The following GRM8 variants were observed in gnomAD, a reference collection of about 807,000 sequenced individuals.
GRM8 encodes the protein metabotropic glutamate receptor 8.
Under a neutral mutation model 87.2 loss-of-function variants are expected in GRM8, and 47 were observed. That is an observed-to-expected ratio of 0.54 (90% CI 0.43 to 0.69). GRM8 has a LOEUF of 0.69. GRM8 is among the 30% of genes least tolerant of loss of function. The pLI, the probability that GRM8 is intolerant of heterozygous loss-of-function variation, is 0.00. For missense variants in GRM8, 1,019 were observed against 1,139.2 expected (o/e 0.89, Z 1.52); for synonymous variants, 396 against 404.5 (o/e 0.98, Z 0.25).
chr7:126,461,134 G>A (rs1803851220), intron 9 of GRM8, among the ~76,000 whole-genome samples: 1 of 151,284 alleles, frequency 6.6e-6, no homozygotes, highest in Non-Finnish European at 1.5e-5. Flanking sequence ...TAGTCCTTAG[G>A]TCATTAGCAG....
intron 6 of GRM8, among the ~76,000 whole-genome samples, chr7:126,818,440 G>A (rs959498358): frequency 7.2e-5 from 11 of 152,118 alleles, no homozygotes; most frequent in Admixed American, 2.6e-4. Flanking sequence ...AAAACCAGAA[G>A]ATATAATTGC....
intron 2 of GRM8, among the ~76,000 whole-genome samples, chr7:127,235,157 C>T (rs1797910607): frequency 6.6e-6 from 1 of 152,078 alleles, no homozygotes; most frequent in African/African-American, 2.4e-5. Flanking sequence ...TTTAAAACAC[C>T]CCAAACATAG....
intron 7 of GRM8, among the ~76,000 whole-genome samples, chr7:126,625,369 A>G (rs1215730593): frequency 1.3e-5 from 2 of 152,140 alleles, no homozygotes; most frequent in Non-Finnish European, 2.9e-5. Context: ...AACCAAATAT[A>G]GAAGTATTAA....
chr7:126,914,890 C>T (rs777444803), intron 3 of GRM8, among the ~76,000 whole-genome samples: 3 of 152,114 alleles, frequency 2.0e-5, no homozygotes, highest in African/African-American at 7.2e-5. Flanking sequence ...CTGTAACAAA[C>T]CTGCTCATGT....
chr7:126,580,050 G>A (rs1795468863), intron 8 of GRM8, among the ~76,000 whole-genome samples: 1 of 151,936 alleles, frequency 6.6e-6, no homozygotes, highest in South Asian at 2.1e-4. Flanking sequence ...TTTTCAGTAA[G>A]TTATAAATTA....
intron 3 of GRM8, among the ~76,000 whole-genome samples, chr7:127,066,194 A>G (rs1030359916): frequency 6.6e-6 from 1 of 152,212 alleles, no homozygotes; most frequent in Non-Finnish European, 1.5e-5. Context: ...GATTATTTCA[A>G]TCCAACCAAT....
At chr7:126,705,293 C>T (rs1810377503) in intron 7 of GRM8, among the ~76,000 whole-genome samples, 1 of 152,076 alleles carries the variant, frequency 6.6e-6, no homozygotes. Context: ...ATACCATGGG[C>T]CATCTTGCCA....
Position 126,938,781 on chromosome 7 carries a change from A to G in GRM8, c.728-34098T>C, listed in dbSNP as rs577678491. Among the ~76,000 whole-genome samples, 14 of 152,350 alleles carry G rather than the reference A, an allele frequency of 9.2e-5. No individual in the cohort carries two copies. The South Asian group carries it at 2.5e-3, about 27-fold the overall frequency. ...GAATCCCATAAAGTTATCTGAATTG[A>G]TAAATGGTTACATGTGCAAATATTT... On this transcript the variant is annotated intron_variant, in intron 3 of 10. Transcript: ENST00000339582.
intron 2 of GRM8, among the ~76,000 whole-genome samples, chr7:127,176,554 G>A (rs768609113): frequency 5.9e-5 from 9 of 152,156 alleles, no homozygotes; most frequent in East Asian, 1.9e-4. Flanking sequence ...GCTCCAGAAC[G>A]ACTGCAATTA....
At chr7:126,494,637 T>C (rs898563054) in intron 9 of GRM8, among the ~76,000 whole-genome samples, 16 of 152,032 alleles carry the variant, frequency 1.1e-4, no homozygotes, top group African/African-American at 3.9e-4. Flanking sequence ...AAAGAGCTCC[T>C]AGTACATTTC....
At chr7:127,081,166 T>A (rs1822828499) in intron 3 of GRM8, among the ~76,000 whole-genome samples, 1 of 152,126 alleles carries the variant, frequency 6.6e-6, no homozygotes, top group Non-Finnish European at 1.5e-5. Flanking sequence ...TGGGCTAGCC[T>A]TTGCCCAGAA....
intron 3 of GRM8, among the ~76,000 whole-genome samples, chr7:126,929,595 G>T (rs1586494695): frequency 6.6e-6 from 1 of 151,872 alleles, no homozygotes; most frequent in African/African-American, 2.4e-5. Flanking sequence ...CACTATGCCT[G>T]GCTAATTTTT....
chr7:127,050,587 A>G (rs1215797980), intron 3 of GRM8, among the ~76,000 whole-genome samples: 1 of 152,182 alleles, frequency 6.6e-6, no homozygotes, highest in Non-Finnish European at 1.5e-5. Context: ...GGGGAAGGAA[A>G]GTTCTGAAGG....
At chr7:126,552,467 T>G (rs1260459824) in intron 8 of GRM8, among the ~76,000 whole-genome samples, 1 of 152,168 alleles carries the variant, frequency 6.6e-6, no homozygotes, top group Non-Finnish European at 1.5e-5. Context: ...AGCATAAACA[T>G]AATAAAGCAA....
intron 9 of GRM8, among the ~76,000 whole-genome samples, chr7:126,471,024 T>C (rs1319727304): frequency 6.6e-6 from 1 of 152,216 alleles, no homozygotes; most frequent in Non-Finnish European, 1.5e-5. Flanking sequence ...CTTCGCCCAC[T>C]TTTTGATGGG....
At chr7:126,629,713 A>G (rs537425414) in intron 7 of GRM8, among the ~76,000 whole-genome samples, 2 of 152,316 alleles carry the variant, frequency 1.3e-5, no homozygotes, top group East Asian at 3.8e-4. Flanking sequence ...ATTTTCTGTA[A>G]TTACATGAAC....
At chr7:126,790,345 G>T (rs1821149037) in intron 6 of GRM8, among the ~76,000 whole-genome samples, 1 of 151,982 alleles carries the variant, frequency 6.6e-6, no homozygotes, top group African/African-American at 2.4e-5. Flanking sequence ...AAGATATTCT[G>T]CTTTTTAAAA....
intron 7 of GRM8, among the ~76,000 whole-genome samples, chr7:126,708,276 G>A (rs148321931): frequency 2.8e-4 from 42 of 152,086 alleles, no homozygotes; most frequent in Admixed American, 8.5e-4. Context: ...TACATAGTTC[G>A]TGGGAATGTA....
At chr7:126,782,496 G>A (rs1820191569) in intron 6 of GRM8, among the ~76,000 whole-genome samples, 1 of 152,126 alleles carries the variant, frequency 6.6e-6, no homozygotes, top group South Asian at 2.1e-4. Flanking sequence ...TGCCCATGAG[G>A]AATTAAAAGC....
Sources: gnomAD v4.1 joint callset for allele counts (sites outside exome capture counted in the v4.1 genomes callset) on GRCh38, gnomAD v4.1.1 for gene constraint, MANE v1.5 for transcripts, NCBI Gene and HGNC (gene_info 2026-07-23, HGNC 2026-07-21) for gene names.